DHX36: variants seen among roughly 807,000 people sequenced by gnomAD.
DHX36 encodes ATP-dependent DNA/RNA helicase DHX36.
In DHX36, 50 loss-of-function variants were observed where a neutral mutation model predicts 139.0. The ratio of observed to expected loss-of-function variants is 0.36; its 90% CI spans 0.29 to 0.46. The LOEUF (loss-of-function observed/expected upper bound fraction) is 0.46, where lower values mean the gene tolerates loss of function less well. Ranked by LOEUF, DHX36 falls within the 20% of genes least tolerant of loss-of-function variation. DHX36 has a pLI of 1.00. For missense variants in DHX36, 1,024 were observed against 1,211.3 expected, an observed-to-expected ratio of 0.85 and a Z score of 2.29; for synonymous variants, 425 against 401.9, an observed-to-expected ratio of 1.06 and a Z score of -0.69.
At chr3:154,311,994 T>C (rs375541487) in intron 3 of DHX36, 3 of 200,446 alleles carry the variant, frequency 1.5e-5, no homozygotes, top group Admixed American at 1.2e-4. Flanking sequence ...ATGTTTTATA[T>C]ATTCATCTTA....
rs756053986 is a variant in DHX36 at position 154,324,393 on chromosome 3, G to C, written c.24C>G (p.Asn8Lys). ...TGCGGGGACCCCCATCACGGCCCCA[G>C]TTCTGATGGTAGTCATAACTCATTG... The part of the protein sequence containing the change: MSYDYHQ[N>K]WGRDGGPRSS... Residue 8 changes from asparagine (N) to lysine (K), a missense_variant, in exon 1 of 25, where the codon AAC becomes AAG. Asn to Lys is a moderately conservative substitution (Grantham distance 94, BLOSUM62 0). Transcript: ENST00000496811. 6.4e-7 allele frequency: 1 copy of C among 1,567,596 alleles called. No individual in the cohort carries two copies. The highest frequency in any genetic ancestry group is 2.3e-5 in the East Asian group (1 of 44,054).
chr3:154,288,942 G>A lies in DHX36; in HGVS notation c.1955C>T (p.Ala652Val). ...GTCCATTAATCTACTCAGAAAATAA[G>A]CAATTCCACCTAGCCTTAAAATCTA... ...QIKILRLGGI[A>V]YFLSRLMDPP... The change falls in exon 17 of 25, where the codon GCT becomes GTT. Residue 652 changes from alanine to valine, a missense_variant. By Grantham distance (64) the Ala-to-Val change is moderately conservative. Around this residue, in one of 4 missense-constraint regions of DHX36, gnomAD observed 470 missense variants for 616.2 expected, o/e 0.76. Coordinates refer to ENST00000496811, the MANE Select transcript of DHX36 (RefSeq NM_020865.3). 1 of 1,576,714 alleles carries A rather than the reference G, an allele frequency of 6.3e-7. No individual in the cohort carries two copies. The highest frequency in any genetic ancestry group is 1.2e-5 in the South Asian group (1 of 83,190).
At chr3:154,280,393 A>T (rs747385990) in intron 22 of DHX36, 186 bp downstream of exon 22, 1 of 540,814 alleles carries the variant, frequency 1.8e-6, no homozygotes, top group Non-Finnish European at 3.2e-6. Context: ...TGATTCCAGG[A>T]TGTGTTGTGA....
rs748486094 is a variant in DHX36 at position 154,315,125 on chromosome 3, T to C, written c.524A>G (p.Glu175Gly). 1 of 1,613,622 alleles carries C rather than the reference T, an allele frequency of 6.2e-7. No individual in the cohort carries two copies. Among genetic ancestry groups the C allele is most frequent in the East Asian group, 2.2e-5 (1 of 44,800 alleles). Reference sequence around the variant, plus strand: ...TTTTTGGTCTAAAGTTCCATCTGGTTCATTTTCTTGCAAGAGATACTCAGA... The same window carrying C: ...TTTTTGGTCTAAAGTTCCATCTGGTCCATTTTCTTGCAAGAGATACTCAGA... ...RDSEYLLQENEPDGTLDQKLL... is the reference protein window; with the variant it reads ...RDSEYLLQENGPDGTLDQKLL... The change falls in exon 3 of 25, where the codon GAA (glutamate) becomes GGA (glycine). Residue 175 changes from glutamate to glycine, a missense_variant. Transcript: ENST00000496811.
rs1223273053 is a variant in DHX36, at chr3:154,292,561, G to T, written c.1804C>A (p.Arg602=). The change falls in exon 15 of 25, where the codon CGA becomes AGA. Residue 602 remains arginine (R), a synonymous_variant. Transcript: ENST00000496811. The part of the protein sequence containing the change: ...SKANAKQRKG[R]AGRVQPGHCY... ...GAGTTCCCACCTTACCTTCCAGCTC[G>T]ACCTTTTCTCTGTTTGGCATTAGCT... is the stretch of plus-strand genomic sequence containing the variant. The T allele has an allele frequency of 6.2e-7, 1 of 1,613,850 alleles. No homozygotes were observed. Among genetic ancestry groups the T allele is most frequent in the Non-Finnish European group, 8.5e-7 (1 of 1,179,968 alleles).
intron 1 of DHX36, among the ~76,000 whole-genome samples, chr3:154,320,462 G>C (rs1713146843): frequency 6.6e-6 from 1 of 152,040 alleles, no homozygotes; most frequent in Non-Finnish European, 1.5e-5. Flanking sequence ...CTCTATTTCT[G>C]ACTGTTCACT....
intron 13 of DHX36, among the ~76,000 whole-genome samples, chr3:154,294,245 C>T (rs1285709079): frequency 6.6e-6 from 1 of 152,056 alleles, no homozygotes; most frequent in African/African-American, 2.4e-5. Context: ...CTGTACCAAC[C>T]ACTGTCTACT....
At chr3:154,305,422 C>CA (rs1466201480) in intron 6 of DHX36, 34 of 333,010 alleles carry the variant, frequency 1.0e-4, no homozygotes, top group Middle Eastern at 1.7e-3. Context: ...ATTCAGACAA[C>CA]AACTGAATTA....
At chr3:154,306,337 A>G in intron 5 of DHX36, 42 bp from the exon 6 acceptor site, 2 of 1,522,882 alleles carry the variant, frequency 1.3e-6, no homozygotes, top group Non-Finnish European at 1.8e-6. Context: ...AATTTCCTTT[A>G]GAACAAATAT....
intron 12 of DHX36, among the ~76,000 whole-genome samples, chr3:154,298,300 G>A (rs1488140719): frequency 6.6e-6 from 1 of 151,844 alleles, no homozygotes; most frequent in Admixed American, 6.6e-5. Context: ...AAAATTATAA[G>A]TACACTATAC....
rs903249493 is a variant in DHX36 at position 154,284,850 on chromosome 3, A to G, written c.2169T>C (p.Ala723=). The part of the protein sequence containing the change: ...CCLDPVLTIA[A]SLSFKDPFVI... ...CAAATGGATCTTTGAAACTGAGACTAGCAGCAATAGTGAGTACTGGGTCTA... is the reference window on the plus strand; with the variant it reads ...CAAATGGATCTTTGAAACTGAGACTGGCAGCAATAGTGAGTACTGGGTCTA... The change falls in exon 18 of 25, where the codon GCT becomes GCC. Residue 723 remains alanine, a synonymous_variant. Transcript: ENST00000496811. 1.9e-6 allele frequency: 3 copies of G among 1,613,874 alleles called. No homozygotes were observed. The African/African-American group carries it at 4.0e-5, about 22-fold the overall frequency.
At chr3:154,322,232 G>T (rs1451954606) in intron 1 of DHX36, among the ~76,000 whole-genome samples, 3 of 152,200 alleles carry the variant, frequency 2.0e-5, no homozygotes, top group Admixed American at 2.0e-4. Context: ...CGTTGAAGCC[G>T]TATTACCAAG....
intron 22 of DHX36, 129 bp downstream of exon 22, chr3:154,280,450 T>C: frequency 4.4e-6 from 3 of 676,376 alleles, no homozygotes; most frequent in Non-Finnish European, 7.5e-6. Context: ...TCTGAAATGA[T>C]TAAAAGAACA....
At chr3:154,281,496 G>T (rs1424627703) in intron 20 of DHX36, among the ~76,000 whole-genome samples, 1 of 151,932 alleles carries the variant, frequency 6.6e-6, no homozygotes. Flanking sequence ...TATATATACT[G>T]ATAGAAGAAA....
chr3:154,311,207 C>A (rs1319853734), intron 4 of DHX36, among the ~76,000 whole-genome samples: 1 of 151,530 alleles, frequency 6.6e-6, no homozygotes, highest in Non-Finnish European at 1.5e-5. Context: ...ATGAGAGATC[C>A]TATTATTCTA....
At chr3:154,282,010 G>A (rs917323230) in intron 20 of DHX36, among the ~76,000 whole-genome samples, 1 of 152,060 alleles carries the variant, frequency 6.6e-6, no homozygotes, top group Non-Finnish European at 1.5e-5. Flanking sequence ...AGTATTTCTT[G>A]AATGCCTGTT....
intron 9 of DHX36, 39 bp from the exon 10 acceptor site, chr3:154,301,166 A>G (rs746972743): frequency 6.5e-7 from 1 of 1,544,084 alleles, no homozygotes. Flanking sequence ...CACTTTTTTG[A>G]AACTCTAGTT....
At chr3:154,319,817 C>G (rs1713122201) in intron 1 of DHX36, among the ~76,000 whole-genome samples, 1 of 152,166 alleles carries the variant, frequency 6.6e-6, no homozygotes, top group African/African-American at 2.4e-5. Flanking sequence ...TTGATTTCCT[C>G]TTCACTGGGT....
chr3:154,307,016 C>T (rs981880935), intron 5 of DHX36, among the ~76,000 whole-genome samples: 1 of 152,026 alleles, frequency 6.6e-6, no homozygotes, highest in Admixed American at 6.6e-5. Context: ...TCAGCATATA[C>T]AGTAACTGCT....
Sources: allele counts gnomAD v4.1 joint callset (sites outside exome capture counted in the v4.1 genomes callset), GRCh38; gene constraint gnomAD v4.1.1; regional missense constraint gnomAD v4.1.1; transcripts MANE v1.5; gene names NCBI Gene and HGNC (gene_info 2026-07-23, HGNC 2026-07-21).